The following ANKS1B variants were observed in gnomAD, a reference collection of about 807,000 sequenced individuals.
The protein encoded by ANKS1B is ankyrin repeat and sterile alpha motif domain-containing protein 1B.
In ANKS1B, 36 loss-of-function variants were observed where a neutral mutation model predicts 148.3. The ratio of observed to expected loss-of-function variants is 0.24; its 90% confidence interval spans 0.19 to 0.32. The LOEUF (loss-of-function observed/expected upper bound fraction) is 0.32, where lower values mean the gene tolerates loss of function less well. Among genes scored for constraint, ANKS1B ranks in the 10% least tolerant of loss-of-function variants. ANKS1B has a pLI of 1.00. For missense variants in ANKS1B, 1,157 were observed against 1,542.6 expected (o/e 0.75, Z 4.19); for synonymous variants, 542 against 560.8 (o/e 0.97, Z 0.47).
At chr12:99,548,881 G>T (rs1030277809) in intron 9 of ANKS1B, among the ~76,000 whole-genome samples, 3 of 152,134 alleles carry the variant, frequency 2.0e-5, no homozygotes, top group African/African-American at 7.2e-5. Flanking sequence ...CCTGCTATAT[G>T]CCAGGTGCAT....
chr12:99,361,665 T>A (rs990993862), intron 12 of ANKS1B, among the ~76,000 whole-genome samples: 6 of 152,218 alleles, frequency 3.9e-5, no homozygotes, highest in Admixed American at 2.0e-4. Flanking sequence ...TATGATTCAG[T>A]GAATCTTGTC....
At chr12:99,232,042 C>G (rs557835323) in intron 14 of ANKS1B, among the ~76,000 whole-genome samples, 85 of 152,140 alleles carry the variant, frequency 5.6e-4, no homozygotes, top group African/African-American at 1.8e-3. Flanking sequence ...CTGTGACCTG[C>G]CCCTCAGATC....
At chr12:99,328,500 G>T (rs1196768231) in intron 12 of ANKS1B, among the ~76,000 whole-genome samples, 3 of 151,924 alleles carry the variant, frequency 2.0e-5, no homozygotes, top group Non-Finnish European at 4.4e-5. Flanking sequence ...GAATTAGGTG[G>T]AGTACACAGA....
intron 17 of ANKS1B, among the ~76,000 whole-genome samples, chr12:98,876,537 T>C (rs189400108): frequency 5.9e-5 from 9 of 152,348 alleles, no homozygotes; most frequent in African/African-American, 1.9e-4. Context: ...CGTCTTTGTA[T>C]TCTGGGATTC....
At chr12:98,919,374 C>T (rs776041008) in intron 17 of ANKS1B, among the ~76,000 whole-genome samples, 2 of 152,172 alleles carry the variant, frequency 1.3e-5, no homozygotes, top group Non-Finnish European at 2.9e-5. Context: ...CTTGAGCACA[C>T]ACAGACCCAT....
chr12:99,280,203 T>TGAGAGA (rs534368988), intron 12 of ANKS1B, among the ~76,000 whole-genome samples: 1 of 150,886 alleles, frequency 6.6e-6, no homozygotes, highest in African/African-American at 2.4e-5. Context: ...TGTGTGTGTG[T>TGAGAGA]GAGAGAGAGA....
At chr12:99,510,473 G>C (rs998155075) in intron 9 of ANKS1B, among the ~76,000 whole-genome samples, 1 of 151,946 alleles carries the variant, frequency 6.6e-6, no homozygotes, top group African/African-American at 2.4e-5. Flanking sequence ...GACTTTGGTG[G>C]AGGAAGTAAC....
chr12:98,743,792 TAA>T (rs561216229), downstream of ANKS1B, among the ~76,000 whole-genome samples: 103 of 152,352 alleles, frequency 6.8e-4, no homozygotes, highest in Non-Finnish European at 1.2e-3. Flanking sequence ...AGGTTAAAAT[TAA>T]AGTTTCAGAG....
At chr12:99,259,729 C>A (rs2075716382) in intron 12 of ANKS1B, among the ~76,000 whole-genome samples, 1 of 152,178 alleles carries the variant, frequency 6.6e-6, no homozygotes, top group Admixed American at 6.5e-5. Flanking sequence ...GAAAGAAGCT[C>A]CTGTTGCAAG....
At chr12:99,846,992 T>C (rs1433713446) in intron 1 of ANKS1B, among the ~76,000 whole-genome samples, 1 of 152,294 alleles carries the variant, frequency 6.6e-6, no homozygotes, top group Middle Eastern at 3.4e-3. Flanking sequence ...AAACTTGAAG[T>C]GTGTTGCTGG....
At chr12:98,988,782 T>C (rs1198200078) in intron 17 of ANKS1B, among the ~76,000 whole-genome samples, 1 of 152,208 alleles carries the variant, frequency 6.6e-6, no homozygotes, top group Non-Finnish European at 1.5e-5. Context: ...GTCTTTTTGA[T>C]AATAGCCATT....
chr12:99,282,644 T>C (rs189368850), intron 12 of ANKS1B, among the ~76,000 whole-genome samples: 145 of 152,254 alleles, frequency 9.5e-4, no homozygotes, highest in Non-Finnish European at 1.9e-4. Context: ...TCTATGAACG[T>C]AGAACTAACA....
chr12:99,177,719 T>C (rs1407383342), intron 14 of ANKS1B, among the ~76,000 whole-genome samples: 2 of 152,252 alleles, frequency 1.3e-5, no homozygotes, highest in Non-Finnish European at 2.9e-5. Flanking sequence ...ATAATGGCAA[T>C]AATGCCAAAA....
At chr12:99,682,439 T>C (rs2098626286) in intron 8 of ANKS1B, among the ~76,000 whole-genome samples, 1 of 151,798 alleles carries the variant, frequency 6.6e-6, no homozygotes, top group East Asian at 1.9e-4. Context: ...TGCAATAAAA[T>C]TGGAACAAAA....
At chr12:99,754,847 C>T (rs1171148675) in intron 8 of ANKS1B, among the ~76,000 whole-genome samples, 1 of 152,036 alleles carries the variant, frequency 6.6e-6, no homozygotes, top group Admixed American at 6.6e-5. Flanking sequence ...ACAGCTCAGG[C>T]ACTGTTAAGA....
intron 8 of ANKS1B, among the ~76,000 whole-genome samples, chr12:99,768,638 C>G (rs952278245): frequency 1.3e-5 from 2 of 151,824 alleles, no homozygotes; most frequent in African/African-American, 4.8e-5. Flanking sequence ...CCATCGTGGC[C>G]AACATGGTGA....
At chr12:99,464,500 C>T (rs964777176) in intron 10 of ANKS1B, among the ~76,000 whole-genome samples, 10 of 152,052 alleles carry the variant, frequency 6.6e-5, no homozygotes, top group African/African-American at 2.4e-4. Flanking sequence ...CTCCAAGCTA[C>T]AGGAGGAAAT....
intron 12 of ANKS1B, among the ~76,000 whole-genome samples, chr12:99,379,757 C>T (rs531068993): frequency 1.0e-3 from 156 of 152,276 alleles, no homozygotes; most frequent in African/African-American, 3.6e-3. Flanking sequence ...TGTCTACTTA[C>T]GATAATTTAA....
chr12:99,129,051 G>T (rs894287203), intron 15 of ANKS1B, among the ~76,000 whole-genome samples: 1 of 152,142 alleles, frequency 6.6e-6, no homozygotes, highest in African/African-American at 2.4e-5. Context: ...GATGAAACAA[G>T]AGCCAAGGAA....
Sources: allele counts gnomAD v4.1 joint callset (sites outside exome capture counted in the v4.1 genomes callset), GRCh38; gene constraint gnomAD v4.1.1; transcripts MANE v1.5; gene names NCBI Gene and HGNC (gene_info 2026-07-23, HGNC 2026-07-21).